Variants in AZIN2 observed in about 807,000 individuals in gnomAD.
AZIN2 encodes the protein ODC antizyme inhibitor-2.
A neutral mutation model predicts 47.8 loss-of-function variants in AZIN2; 28 were observed. That is an observed-to-expected ratio of 0.59 (90% CI 0.43 to 0.80). The LOEUF is 0.80. AZIN2 is among the 30% of genes least tolerant of loss of function. The pLI is 0.00. For missense variants in AZIN2, 535 were observed against 582.5 expected (o/e 0.92, Z 0.84); for synonymous variants, 221 against 239.4 (o/e 0.92, Z 0.71).
intron 10 of AZIN2, among the ~76,000 whole-genome samples, chr1:33,102,804 G>A (rs927748586): frequency 6.6e-6 from 1 of 152,036 alleles, no homozygotes; most frequent in Non-Finnish European, 1.5e-5. Context: ...CCAACTACCC[G>A]CTTGAGATTC....
the AZIN2 span, among the ~76,000 whole-genome samples, chr1:33,144,684 A>G: frequency 1.4e-4 from 22 of 152,328 alleles, no homozygotes; most frequent in Admixed American, 1.3e-3. Context: ...AAGTGTGCAC[A>G]GCCTGTGTGT....
intron 6 of AZIN2, among the ~76,000 whole-genome samples, chr1:33,092,578 C>T (rs999881143): frequency 1.3e-5 from 2 of 152,098 alleles, no homozygotes; most frequent in Non-Finnish European, 2.9e-5. Flanking sequence ...GAAGGCTCCA[C>T]GGAGGAAGTG....
At chr1:33,147,164 C>T in the AZIN2 span, 3 of 1,610,766 alleles carry the variant, frequency 1.9e-6, no homozygotes, top group African/African-American at 4.0e-5. This position sits in a 1 kb window ranked among gnomAD's most constrained non-coding sequence, Gnocchi z 8.1. Context: ...GTTGTGGTCT[C>T]CTTCTGCCTG....
chr1:33,104,905 C>T (rs1475110133), intron 10 of AZIN2, among the ~76,000 whole-genome samples: 1 of 152,086 alleles, frequency 6.6e-6, no homozygotes, highest in African/African-American at 2.4e-5. Flanking sequence ...TGCCATGTTG[C>T]CCAGGCTGGT....
chr1:33,102,973 A>G (rs1643817952), intron 10 of AZIN2, among the ~76,000 whole-genome samples: 1 of 152,102 alleles, frequency 6.6e-6, no homozygotes, highest in African/African-American at 2.4e-5. Context: ...CTCTCCTTCC[A>G]CATGCAGTCC....
chr1:33,089,368 CAGG>C (rs1642274215), intron 5 of AZIN2, among the ~76,000 whole-genome samples: 1 of 152,274 alleles, frequency 6.6e-6, no homozygotes, highest in East Asian at 1.9e-4. Flanking sequence ...GAGGCCAAGG[CAGG>C]AGGACTGCTT....
chr1:33,095,296 A>G (rs891413065), intron 8 of AZIN2, among the ~76,000 whole-genome samples: 2 of 152,204 alleles, frequency 1.3e-5, no homozygotes, highest in Admixed American at 1.3e-4. Context: ...CTCAAAGATG[A>G]CTGTTCTAGC....
chr1:33,136,116 TTCCTTCCTTCC>T, the AZIN2 span, among the ~76,000 whole-genome samples: 2 of 30,708 alleles, frequency 6.5e-5, no homozygotes, highest in African/African-American at 2.1e-4. Context: ...GGGCCAGCCC[TTCCTTCCTTCC>T]TTCCTTCCTT....
At chr1:33,165,585 C>A in the AZIN2 span, 1 of 1,592,660 alleles carries the variant, frequency 6.3e-7, no homozygotes, top group Non-Finnish European at 8.6e-7. This position sits in a 1 kb window ranked among gnomAD's most constrained non-coding sequence, Gnocchi z 4.0. Flanking sequence ...CACACAGGGC[C>A]GGGATGGGGG....
intron 10 of AZIN2, among the ~76,000 whole-genome samples, chr1:33,105,567 C>T (rs936000129): frequency 1.1e-4 from 16 of 152,126 alleles, no homozygotes; most frequent in African/African-American, 3.9e-4. Flanking sequence ...GAAGGGGGAA[C>T]TTCCAAACAC....
the AZIN2 span, chr1:33,159,925 C>T: frequency 1.1e-5 from 17 of 1,605,602 alleles, no homozygotes; most frequent in South Asian, 3.3e-5. This position sits in a 1 kb window ranked among gnomAD's most constrained non-coding sequence, Gnocchi z 4.2. Flanking sequence ...GATAGTGGTC[C>T]GCAGGCTCTT....
At chr1:33,158,373 A>T in the AZIN2 span, 1 of 1,612,684 alleles carries the variant, frequency 6.2e-7, no homozygotes. Flanking sequence ...TTGAGCCTGG[A>T]AGGAGAGCAG....
At chr1:33,126,887 C>T (rs1222205002), downstream of AZIN2, among the ~76,000 whole-genome samples, 2 of 152,172 alleles carry the variant, frequency 1.3e-5, no homozygotes, top group African/African-American at 4.8e-5. Context: ...CATTACTCGT[C>T]GTTTACCTGA....
the AZIN2 span, among the ~76,000 whole-genome samples, chr1:33,140,167 C>G: frequency 6.6e-5 from 10 of 152,136 alleles, no homozygotes; most frequent in African/African-American, 2.4e-4. The surrounding 1 kb of genome is among the most constrained non-coding windows in gnomAD (Gnocchi z 4.0). Flanking sequence ...AGGCTAGAAC[C>G]TTTGCCTGTC....
chr1:33,161,999 C>T, the AZIN2 span, among the ~76,000 whole-genome samples: 1 of 152,156 alleles, frequency 6.6e-6, no homozygotes, highest in African/African-American at 2.4e-5. The surrounding 1 kb of genome is among the most constrained non-coding windows in gnomAD (Gnocchi z 4.3). Context: ...CCTTGCCTGT[C>T]TCCTGAGTGC....
downstream of AZIN2, among the ~76,000 whole-genome samples, chr1:33,127,100 T>TA (rs1011497230): frequency 7.9e-5 from 12 of 152,264 alleles, no homozygotes; most frequent in East Asian, 1.2e-3. Context: ...TGGTGAGTCG[T>TA]ATGGGAAGCG....
At chr1:33,157,633 G>C in the AZIN2 span, among the ~76,000 whole-genome samples, 119 of 152,134 alleles carry the variant, frequency 7.8e-4, 1 homozygote, top group Non-Finnish European at 1.4e-3. Context: ...CCAGCACCTA[G>C]AACAGTTCCT....
the AZIN2 span, chr1:33,159,613 C>T: frequency 2.0e-6 from 3 of 1,517,008 alleles, no homozygotes; most frequent in Admixed American, 6.1e-5. The surrounding 1 kb of genome is among the most constrained non-coding windows in gnomAD (Gnocchi z 4.2). Flanking sequence ...ATCCCATCTG[C>T]CTCCACTCCC....
In AZIN2 at chr1:33,118,053, T is replaced by A. The variant is rs773030404; in HGVS notation, c.1181T>A (p.Met394Lys). Residue 394 changes from methionine (M) to lysine (K), a missense_variant, in exon 11 of 12, where the codon ATG (methionine) becomes AAG (lysine). Physicochemically the swap from Met to Lys is moderately conservative, Grantham distance 95. Around this residue, in one of 3 missense-constraint regions of AZIN2, gnomAD observed 122 missense variants for 135.8 expected, o/e 0.90. Coordinates refer to ENST00000294517, the MANE Select transcript of AZIN2 (RefSeq NM_052998.4). Reference sequence around the variant, plus strand: ...AACATGGGCGCCTACACTGTGGGCATGGGTTCCCCCTTTTGGGGGACCCAG... The same window carrying A: ...AACATGGGCGCCTACACTGTGGGCAAGGGTTCCCCCTTTTGGGGGACCCAG... ...FDNMGAYTVG[M>K]GSPFWGTQAC... The A allele has an allele frequency of 6.5e-7, 1 of 1,536,874 alleles. No homozygotes were observed. The highest frequency in any genetic ancestry group is 1.3e-5 in the South Asian group (1 of 77,448).
Sources: gnomAD v4.1 joint callset for allele counts (sites outside exome capture counted in the v4.1 genomes callset) on GRCh38, gnomAD v4.1.1 for gene constraint, gnomAD v4.1.1 regional missense constraint, Gnocchi (gnomAD v3.1) non-coding constraint, MANE v1.5 for transcripts, NCBI Gene and HGNC (gene_info 2026-07-23, HGNC 2026-07-21) for gene names.